Variants in CAPN8 observed in about 807,000 individuals in gnomAD.
CAPN8 encodes the protein calpain 8.
A neutral mutation model predicts 80.9 loss-of-function variants in CAPN8; 87 were observed. The ratio of observed to expected loss-of-function variants is 1.07; its 90% CI spans 0.90 to 1.28. CAPN8 has a LOEUF of 1.28. Ranked by LOEUF, CAPN8 falls within the 50% of genes most tolerant of loss-of-function variation. The pLI is 0.00. For synonymous variants in CAPN8, 299 were observed against 273.8 expected (o/e 1.09, Z -0.91); for missense variants, 757 against 702.0 (o/e 1.08, Z -0.89).
chr1:223,625,142 GT>G (rs1224983715), intron 6 of CAPN8, among the ~76,000 whole-genome samples: 1 of 152,206 alleles, frequency 6.6e-6, no homozygotes, highest in Non-Finnish European at 1.5e-5. Context: ...TATAGCCCAT[GT>G]TTTTTCCTCG....
In CAPN8 at chr1:223,611,242, C is replaced by T. The variant is rs146617379; in HGVS notation, c.1323+1004G>A. 1.2e-3 allele frequency among the ~76,000 whole-genome samples: 181 copies of T among 152,288 alleles called. 2 individuals are homozygous for T. The East Asian group carries it at 0.021, about 18-fold the overall frequency. ...AGGTAGGACTCAACTCCCAGCAGGA[C>T]GCTGGACCAAATGGAGCACTAGCTG... On this transcript the variant is annotated intron_variant, in intron 11 of 20. Transcript: ENST00000366872.
At chr1:223,615,582 C>T (rs889187352) in intron 10 of CAPN8, among the ~76,000 whole-genome samples, 5 of 152,200 alleles carry the variant, frequency 3.3e-5, no homozygotes, top group African/African-American at 1.2e-4. Context: ...CATATCCAGC[C>T]TCCTTCCCTG....
rs143011448 is a variant in CAPN8, at chr1:223,618,153, A to T, written c.1135+1140T>A. 2,176 of 1,414,612 alleles carry T rather than the reference A, an allele frequency of 1.5e-3. 27 individuals carry two copies. The African/African-American group carries it at 0.02, about 13-fold the overall frequency. The allele number at this position is 1,414,612 out of a possible 1,614,324, so 87.6% of individuals were successfully genotyped here. A position where few individuals can be genotyped will look rare whatever the true frequency, so the allele number is the denominator to read the frequency against. ...ATCAACAGCAAACCAGGCAGGGAAC[A>T]TGGGGAGCAGGAGGTGAAAAGTAGA... On this transcript the variant is annotated intron_variant, in intron 9 of 20. Transcript: ENST00000366872.
At chr1:223,622,538 A>C (rs533823385) in intron 7 of CAPN8, 12 of 492,082 alleles carry the variant, frequency 2.4e-5, no homozygotes, top group African/African-American at 2.3e-4. Context: ...CAGGTAAAAA[A>C]CACAAAAACC....
At chr1:223,624,375 C>G (rs1028402434) in intron 6 of CAPN8, among the ~76,000 whole-genome samples, 1 of 152,138 alleles carries the variant, frequency 6.6e-6, no homozygotes, top group African/African-American at 2.4e-5. Context: ...ATGTATTTTA[C>G]TTAGTTGTGT....
chr1:223,544,444 A>G (rs1263985635), intron 18 of CAPN8, among the ~76,000 whole-genome samples: 1 of 152,176 alleles, frequency 6.6e-6, no homozygotes, highest in African/African-American at 2.4e-5. Context: ...GGGTCACATC[A>G]GCAAGCAAAA....
At chr1:223,613,650 G>A (rs1044849466) in intron 10 of CAPN8, among the ~76,000 whole-genome samples, 1 of 152,234 alleles carries the variant, frequency 6.6e-6, no homozygotes, top group African/African-American at 2.4e-5. Context: ...TGACAGGCTG[G>A]CCTGGCATCA....
At chr1:223,628,366 G>A (rs995854868) in intron 3 of CAPN8, among the ~76,000 whole-genome samples, 22 of 152,186 alleles carry the variant, frequency 1.4e-4, no homozygotes, top group Admixed American at 1.4e-3. Flanking sequence ...CTTGCCCAGC[G>A]CCACCTAGTG....
chr1:223,631,713 G>C (rs888385614), intron 2 of CAPN8, among the ~76,000 whole-genome samples: 1 of 152,190 alleles, frequency 6.6e-6, no homozygotes, highest in African/African-American at 2.4e-5. Flanking sequence ...AGTCTGTGGG[G>C]AAGTGGCATT....
intron 7 of CAPN8, 131 bp from the exon 8 acceptor site, chr1:223,620,397 G>T: frequency 1.3e-6 from 1 of 768,444 alleles, no homozygotes; most frequent in Non-Finnish European, 2.2e-6. Flanking sequence ...AGACAGAAAG[G>T]CAGAATGGAC....
intron 20 of CAPN8, among the ~76,000 whole-genome samples, chr1:223,542,868 C>T (rs1333195047): frequency 6.6e-6 from 1 of 152,090 alleles, no homozygotes; most frequent in East Asian, 1.9e-4. Flanking sequence ...CTTGCATCTC[C>T]GAAATTATCT....
chr1:223,543,621 G>A (rs1267276551), intron 19 of CAPN8, among the ~76,000 whole-genome samples: 1 of 152,050 alleles, frequency 6.6e-6, no homozygotes, highest in African/African-American at 2.4e-5. Context: ...CTAATCTCAA[G>A]GCCCAAGATG....
At chr1:223,547,718 C>T (rs1656661686) in intron 16 of CAPN8, among the ~76,000 whole-genome samples, 1 of 152,100 alleles carries the variant, frequency 6.6e-6, no homozygotes, top group Non-Finnish European at 1.5e-5. Flanking sequence ...AACAGAAACT[C>T]CTGAAGAGTG....
chr1:223,610,837 T>C (rs1403721725), intron 11 of CAPN8, among the ~76,000 whole-genome samples: 1 of 152,074 alleles, frequency 6.6e-6, no homozygotes, highest in Non-Finnish European at 1.5e-5. Context: ...CTAAGGGTGG[T>C]TCTCAGTGTG....
intron 1 of CAPN8, 39 bp from the exon 2 acceptor site, chr1:223,654,438 C>G (rs1160614182): frequency 2.0e-6 from 3 of 1,530,386 alleles, no homozygotes; most frequent in Non-Finnish European, 2.7e-6. Context: ...TCACAAGGTG[C>G]TCAGTGATGG....
chr1:223,662,042 T>C (rs538082807), intron 1 of CAPN8, among the ~76,000 whole-genome samples: 2 of 152,378 alleles, frequency 1.3e-5, no homozygotes, highest in South Asian at 2.1e-4. Flanking sequence ...GAGGATATTA[T>C]GCTAAGTGAG....
intron 1 of CAPN8, among the ~76,000 whole-genome samples, chr1:223,656,681 G>GTTTTTTTTTTT: frequency 1.2e-5 from 1 of 85,060 alleles, no homozygotes; most frequent in Non-Finnish European, 2.5e-5. Flanking sequence ...TTTTTGTTTT[G>GTTTTTTTTTTT]TTTTTTTTTT....
At chr1:223,625,737 G>T in intron 6 of CAPN8, 68 bp downstream of exon 6, 1 of 1,387,232 alleles carries the variant, frequency 7.2e-7, no homozygotes, top group Non-Finnish European at 1.0e-6. Context: ...CTTTCCTCCT[G>T]TCGAGATGGC....
chr1:223,553,636 A>G (rs1284375966), intron 14 of CAPN8, among the ~76,000 whole-genome samples, 196 bp downstream of exon 14: 1 of 152,132 alleles, frequency 6.6e-6, no homozygotes, highest in Non-Finnish European at 1.5e-5. Flanking sequence ...TAGCCTCAGG[A>G]CCAATTCCCA....
Sources: allele counts gnomAD v4.1 joint callset (sites outside exome capture counted in the v4.1 genomes callset), GRCh38; gene constraint gnomAD v4.1.1; transcripts MANE v1.5; gene names NCBI Gene and HGNC (gene_info 2026-07-23, HGNC 2026-07-21).